Variants in HECW2 observed in about 807,000 individuals in gnomAD.
HECW2 encodes E3 ubiquitin-protein ligase HECW2.
In HECW2, 61 loss-of-function variants were observed where a neutral mutation model predicts 175.2. The observed-to-expected ratio is 0.35, with a 90% CI of 0.28 to 0.43. HECW2 has a LOEUF of 0.43. Ranked by LOEUF, HECW2 falls within the 20% of genes least tolerant of loss-of-function variation. The pLI, the probability that HECW2 is intolerant of heterozygous loss-of-function variation, is 1.00. For synonymous variants in HECW2, 671 were observed against 731.0 expected (o/e 0.92, Z 1.32); for missense variants, 1,524 against 2,000.5 (o/e 0.76, Z 4.54).
chr2:196,553,886 T>G (rs1305792306), intron 1 of HECW2, among the ~76,000 whole-genome samples: 1 of 152,234 alleles, frequency 6.6e-6, no homozygotes, highest in Non-Finnish European at 1.5e-5. Flanking sequence ...TATGTGCTAG[T>G]GTCACTTCCA....
intron 1 of HECW2, among the ~76,000 whole-genome samples, chr2:196,454,501 C>T (rs1477791414): frequency 6.6e-6 from 1 of 152,198 alleles, no homozygotes; most frequent in Non-Finnish European, 1.5e-5. Context: ...CACACCCTCA[C>T]ATTCATTATT....
At chr2:196,517,539 T>A (rs1440591684) in intron 1 of HECW2, among the ~76,000 whole-genome samples, 1 of 151,252 alleles carries the variant, frequency 6.6e-6, no homozygotes, top group Non-Finnish European at 1.5e-5. Context: ...TCTCCCATTT[T>A]AACAAAGAAC....
chr2:196,395,982 G>A (rs563468256), intron 2 of HECW2, among the ~76,000 whole-genome samples: 27 of 152,264 alleles, frequency 1.8e-4, no homozygotes, highest in South Asian at 1.0e-3. Context: ...CAAACTGAGT[G>A]TCCATTGAAT....
At position 196,521,642 on chromosome 2, in the gene HECW2, C is replaced by G. The variant is rs1449423508; in HGVS notation, c.-36+71866G>C. Among the ~76,000 whole-genome samples, 10 of 130,844 alleles carry G rather than the reference C, an allele frequency of 7.6e-5. No homozygotes were observed. In the East Asian group the frequency reaches 1.8e-3, roughly 23 times the overall value. 85.8% of individuals were successfully genotyped at this position (130,844 alleles called of 152,430 possible). A position where few individuals can be genotyped will look rare whatever the true frequency, so the allele number is the denominator to read the frequency against. Reference sequence around the variant, plus strand: ...TGCTATCCCTCCCCCCTCCCCCCACCCCACCACAGTCCCCAGAGTTTGATA... The same window carrying G: ...TGCTATCCCTCCCCCCTCCCCCCACGCCACCACAGTCCCCAGAGTTTGATA... On this transcript the variant is annotated intron_variant, in intron 1 of 28. Transcript: ENST00000644978.
intron 2 of HECW2, among the ~76,000 whole-genome samples, chr2:196,363,134 G>A (rs888087062): frequency 6.6e-6 from 1 of 152,056 alleles, no homozygotes; most frequent in African/African-American, 2.4e-5. Context: ...ACCCTGTCCA[G>A]GCCTCTTCTG....
chr2:196,204,494 A>C (rs1484574297), intron 28 of HECW2, among the ~76,000 whole-genome samples: 1 of 152,200 alleles, frequency 6.6e-6, no homozygotes, highest in Non-Finnish European at 1.5e-5. Context: ...AGCTGCAAGG[A>C]ATGAATGCTG....
intron 2 of HECW2, among the ~76,000 whole-genome samples, chr2:196,426,852 A>G (rs1280886332): frequency 2.0e-5 from 3 of 152,200 alleles, no homozygotes; most frequent in Non-Finnish European, 2.9e-5. Flanking sequence ...TCTAAGATAC[A>G]TGATGATAAT....
chr2:196,419,396 T>C (rs914964970), intron 2 of HECW2, among the ~76,000 whole-genome samples: 1 of 152,160 alleles, frequency 6.6e-6, no homozygotes, highest in Non-Finnish European at 1.5e-5. Flanking sequence ...CATGTGCACA[T>C]ACAATTTCCA....
intron 1 of HECW2, among the ~76,000 whole-genome samples, chr2:196,448,555 G>C (rs1160524812): frequency 6.6e-6 from 1 of 152,202 alleles, no homozygotes. Flanking sequence ...TTTAAAATCA[G>C]TGCCATAAAC....
chr2:196,537,571 G>A lies in HECW2; in HGVS notation c.-36+55937C>T, dbSNP rs551434304. The stretch of plus-strand genomic sequence containing the variant: ...AGGAGAAGCTGAGGTGTGGCTGAAC[G>A]GTACTGGTGTCAGAGGCGTTCGAAC... On this transcript the variant is annotated intron_variant, in intron 1 of 28. Coordinates refer to ENST00000644978, the MANE Select transcript of HECW2 (RefSeq NM_001348768.2). Among the ~76,000 whole-genome samples, 7 of 152,226 alleles carry A rather than the reference G, an allele frequency of 4.6e-5. No individual in the cohort carries two copies. In the South Asian group the frequency reaches 1.0e-3, roughly 23 times the overall value.
intron 1 of HECW2, among the ~76,000 whole-genome samples, chr2:196,444,980 A>G (rs906891940): frequency 6.6e-6 from 1 of 152,204 alleles, no homozygotes; most frequent in Non-Finnish European, 1.5e-5. Context: ...TAGCAAGTCC[A>G]GCAGTGTCCA....
At chr2:196,435,604 C>T (rs977754673) in intron 1 of HECW2, among the ~76,000 whole-genome samples, 4 of 152,176 alleles carry the variant, frequency 2.6e-5, no homozygotes, top group Admixed American at 6.5e-5. Flanking sequence ...TGTATGTATG[C>T]CCACATTACT....
At chr2:196,479,110 T>C (rs1244320360) in intron 1 of HECW2, among the ~76,000 whole-genome samples, 2 of 152,104 alleles carry the variant, frequency 1.3e-5, no homozygotes, top group Admixed American at 6.6e-5. Flanking sequence ...GTGCAGAAAA[T>C]TGATCACTGC....
intron 2 of HECW2, among the ~76,000 whole-genome samples, chr2:196,419,921 A>G (rs1240353802): frequency 1.3e-5 from 2 of 151,700 alleles, no homozygotes; most frequent in African/African-American, 2.4e-5. Flanking sequence ...GTTAATGGAG[A>G]CTCTATCCAG....
At chr2:196,327,645 T>C (rs16849615) in intron 5 of HECW2, among the ~76,000 whole-genome samples, 6,636 of 152,306 alleles carry the variant, frequency 0.044, 517 homozygotes, top group African/African-American at 0.15. Flanking sequence ...TATTATCATC[T>C]GCTGTTAGTA....
chr2:196,308,144 G>T (rs1050403441), intron 10 of HECW2, 59 bp from the exon 11 acceptor site: 1 of 1,297,248 alleles, frequency 7.7e-7, no homozygotes, highest in Non-Finnish European at 1.0e-6. Flanking sequence ...GATTAATAGG[G>T]TTCATTAAGT....
chr2:196,225,150 T>C (rs1343946498), intron 23 of HECW2, among the ~76,000 whole-genome samples: 1 of 152,242 alleles, frequency 6.6e-6, no homozygotes, highest in African/African-American at 2.4e-5. Context: ...CAGAAACAAT[T>C]AGCCCTACAT....
At chr2:196,242,496 C>T (rs1007602083) in intron 19 of HECW2, 19 of 364,392 alleles carry the variant, frequency 5.2e-5, no homozygotes, top group Non-Finnish European at 8.7e-5. Context: ...TAATATGAGT[C>T]AAACAGAGTT....
intron 28 of HECW2, among the ~76,000 whole-genome samples, chr2:196,206,817 A>T (rs1687084669): frequency 6.6e-6 from 1 of 152,186 alleles, no homozygotes; most frequent in South Asian, 2.1e-4. Flanking sequence ...ATTTCTCCAA[A>T]AGGCTAGGAG....
Sources: gnomAD v4.1 joint callset for allele counts (sites outside exome capture counted in the v4.1 genomes callset) on GRCh38, gnomAD v4.1.1 for gene constraint, MANE v1.5 for transcripts, NCBI Gene and HGNC (gene_info 2026-07-23, HGNC 2026-07-21) for gene names.